LUZP1: variants seen among roughly 807,000 people sequenced by gnomAD.
LUZP1 encodes filamin mechanobinding actin cross-linking protein.
LUZP1 carries 25 observed loss-of-function variants against 71.3 expected under a neutral mutation model. The observed-to-expected ratio is 0.35, with a 90% CI of 0.26 to 0.49. The LOEUF (loss-of-function observed/expected upper bound fraction) is 0.49, where lower values mean the gene tolerates loss of function less well. Ranked by LOEUF, LUZP1 falls within the 20% of genes least tolerant of loss-of-function variation. The pLI, the probability that LUZP1 is intolerant of heterozygous loss-of-function variation, is 0.99. For missense variants in LUZP1, 1,142 were observed against 1,300.8 expected (o/e 0.88, Z 1.88); for synonymous variants, 481 against 506.4 (o/e 0.95, Z 0.67).
At chr1:23,153,627 C>A (rs1644399931) in intron 2 of LUZP1, among the ~76,000 whole-genome samples, 1 of 152,150 alleles carries the variant, frequency 6.6e-6, no homozygotes, top group Non-Finnish European at 1.5e-5. Context: ...ATGAAAAACC[C>A]CTTTAATCTG....
intron 1 of LUZP1, among the ~76,000 whole-genome samples, chr1:23,173,442 T>C (rs1485769101): frequency 6.9e-6 from 1 of 144,680 alleles, no homozygotes; most frequent in East Asian, 2.2e-4. Context: ...ACAACTCCTC[T>C]TCCCAGGCTC....
chr1:23,092,916 T>C, exon 4 of LUZP1: 1 of 1,613,858 alleles, frequency 6.2e-7, no homozygotes, highest in Non-Finnish European at 8.5e-7. Context: ...TTCAGTTTTC[T>C]TTGTCTCCTG....
intron 1 of LUZP1, among the ~76,000 whole-genome samples, chr1:23,169,204 C>G (rs904573185): frequency 1.1e-4 from 16 of 151,870 alleles, no homozygotes; most frequent in African/African-American, 3.9e-4. Context: ...ATAAAAAATA[C>G]AAAAATTAGC....
intron 4 of LUZP1, chr1:23,090,545 T>C: frequency 3.3e-6 from 1 of 301,978 alleles, no homozygotes; most frequent in African/African-American, 2.1e-5. Flanking sequence ...CAGGTGGTTC[T>C]GGATTTATCA....
At chr1:23,145,617 A>T (rs1420224861) in intron 2 of LUZP1, among the ~76,000 whole-genome samples, 1 of 151,824 alleles carries the variant, frequency 6.6e-6, no homozygotes, top group Non-Finnish European at 1.5e-5. Context: ...TTACACGTGC[A>T]TGCCACCACG....
At chr1:23,176,072 T>TC (rs1339908747) in intron 1 of LUZP1, among the ~76,000 whole-genome samples, 1 of 151,194 alleles carries the variant, frequency 6.6e-6, no homozygotes, top group African/African-American at 2.4e-5. Flanking sequence ...CTTTTTTTTT[T>TC]TTTTTTTTAG....
At chr1:23,107,287 T>A (rs1557644487) in intron 3 of LUZP1, among the ~76,000 whole-genome samples, 3 of 152,230 alleles carry the variant, frequency 2.0e-5, no homozygotes, top group Admixed American at 1.3e-4. Context: ...ATGTACTATC[T>A]AGTGGATGTT....
At chr1:23,147,209 G>A (rs1027629835) in intron 2 of LUZP1, among the ~76,000 whole-genome samples, 4 of 151,714 alleles carry the variant, frequency 2.6e-5, no homozygotes, top group African/African-American at 9.7e-5. Flanking sequence ...GGGAGGCCGA[G>A]ACGGGTGGAT....
chr1:23,103,273 G>A (rs1192363848), intron 3 of LUZP1, among the ~76,000 whole-genome samples: 1 of 152,030 alleles, frequency 6.6e-6, no homozygotes, highest in Non-Finnish European at 1.5e-5. Context: ...GCTTCCTCCT[G>A]ACCACTTGTA....
At chr1:23,126,174 G>T (rs1644170630) in intron 2 of LUZP1, among the ~76,000 whole-genome samples, 1 of 152,152 alleles carries the variant, frequency 6.6e-6, no homozygotes, top group Admixed American at 6.5e-5. Flanking sequence ...AGGATGGCAT[G>T]CAGGCCAATT....
At chr1:23,133,223 A>T (rs1644228313) in intron 2 of LUZP1, among the ~76,000 whole-genome samples, 2 of 152,224 alleles carry the variant, frequency 1.3e-5, no homozygotes, top group Non-Finnish European at 2.9e-5. Context: ...ATACGAACAG[A>T]TCTTTCTAAG....
chr1:23,146,598 G>T (rs1290236851), intron 2 of LUZP1, among the ~76,000 whole-genome samples: 1 of 151,986 alleles, frequency 6.6e-6, no homozygotes, highest in Non-Finnish European at 1.5e-5. Context: ...AGGAGTTTGA[G>T]ATCAGCCTGG....
At chr1:23,131,279 C>A (rs917470052) in intron 2 of LUZP1, among the ~76,000 whole-genome samples, 3 of 150,924 alleles carry the variant, frequency 2.0e-5, no homozygotes, top group Non-Finnish European at 4.4e-5. Context: ...CTCTGCCTTC[C>A]CTCAGATCTT....
intron 2 of LUZP1, among the ~76,000 whole-genome samples, chr1:23,118,298 G>T (rs563704363): frequency 1.3e-5 from 2 of 151,856 alleles, no homozygotes; most frequent in East Asian, 3.9e-4. Context: ...TCAGGAGGCT[G>T]AGGCAACGAG....
intron 2 of LUZP1, among the ~76,000 whole-genome samples, chr1:23,153,216 T>C (rs1034193087): frequency 3.3e-5 from 5 of 152,190 alleles, no homozygotes; most frequent in African/African-American, 1.2e-4. Context: ...GTCCATAATC[T>C]AAACTCTATT....
chr1:23,085,814 T>A (rs558035750), exon 5 of LUZP1: 1 of 152,266 alleles, frequency 6.6e-6, no homozygotes, highest in South Asian at 2.1e-4. Context: ...AGCTTCTTTA[T>A]CCACCTGCAG....
chr1:23,093,502 C>G lies in LUZP1; in HGVS notation c.760G>C (p.Glu254Gln). The G allele has an allele frequency of 6.2e-7, 1 of 1,612,658 alleles. No homozygotes were observed. The change falls in exon 4 of 5, where the codon GAA (glutamate) becomes CAA (glutamine). Residue 254 changes from glutamate to glutamine, a missense_variant. Transcript: ENST00000302291. The surrounding 1 kb of genome is among the most constrained non-coding windows in gnomAD (Gnocchi z 4.2). Reference sequence around the variant, plus strand: ...TCCAGACCACCCTTCCTTCTTGATTCTTTGGACGGCAGTGTGGAAGAGATG... The same window carrying G: ...TCCAGACCACCCTTCCTTCTTGATTGTTTGGACGGCAGTGTGGAAGAGATG...
intron 2 of LUZP1, among the ~76,000 whole-genome samples, chr1:23,115,538 G>C (rs887501544): frequency 2.0e-5 from 3 of 152,080 alleles, no homozygotes; most frequent in African/African-American, 7.2e-5. Flanking sequence ...AACCGGCTCT[G>C]CTACTTCCTC....
chr1:23,152,135 T>C (rs1052001380), intron 2 of LUZP1, among the ~76,000 whole-genome samples: 15 of 152,170 alleles, frequency 9.9e-5, no homozygotes, highest in Non-Finnish European at 2.2e-4. Flanking sequence ...TATTGGTTAC[T>C]GTTGTTAATA....
Sources: allele counts gnomAD v4.1 joint callset (sites outside exome capture counted in the v4.1 genomes callset), GRCh38; gene constraint gnomAD v4.1.1; non-coding constraint Gnocchi (gnomAD v3.1); transcripts MANE v1.5; gene names NCBI Gene and HGNC (gene_info 2026-07-23, HGNC 2026-07-21).